Variants in LIPA observed in about 807,000 individuals in gnomAD.
LIPA encodes the protein lysosomal acid lipase/cholesteryl ester hydrolase.
In LIPA, 26 loss-of-function variants were observed where a neutral mutation model predicts 40.6. The ratio of observed to expected loss-of-function variants is 0.64; its 90% CI spans 0.47 to 0.89. The LOEUF is 0.89. Among genes scored for constraint, LIPA ranks in the 40% least tolerant of loss-of-function variants. LIPA has a pLI of 0.00. For synonymous variants in LIPA, 188 were observed against 168.4 expected, an observed-to-expected ratio of 1.12 and a Z score of -0.90; for missense variants, 455 against 479.6, an observed-to-expected ratio of 0.95 and a Z score of 0.48.
rs548770048 is a variant in LIPA at position 89,412,941 on chromosome 10, G to A, written c.-71-19C>T. 7.0e-4 allele frequency: 168 copies of A among 241,554 alleles called. 3 individuals carry two copies. Among genetic ancestry groups the A allele is most frequent in the Middle Eastern group, 5.9e-3 (4 of 678 alleles). The allele number at this position is 241,554 out of a possible 1,614,324, so 15.0% of individuals were successfully genotyped here. On this transcript the variant is annotated intron_variant, in intron 1 of 8. Transcript: ENST00000371837. ...AAACCTACTGGAAGGAACCAATTCC[G>A]GACACACCATCACCTACGTATTAAG...
intron 1 of LIPA, chr10:89,339,255 T>C (rs1477252639): frequency 6.2e-7 from 1 of 1,614,204 alleles, no homozygotes; most frequent in Admixed American, 1.7e-5. Flanking sequence ...AGCAGGCCAT[T>C]GAGCTGAGTC....
chr10:89,407,638 C>T (rs113556762), intron 2 of LIPA, among the ~76,000 whole-genome samples: 3,792 of 152,322 alleles, frequency 0.025, 77 homozygotes, highest in South Asian at 0.058. Context: ...TCCCTTCCCT[C>T]CCTCAGGGTA....
At chr10:89,319,839 T>A (rs574392804) in intron 1 of LIPA, among the ~76,000 whole-genome samples, 1 of 152,238 alleles carries the variant, frequency 6.6e-6, no homozygotes, top group African/African-American at 2.4e-5. Context: ...GCAAACTGAA[T>A]CCAGCAGCAC....
rs1005085986 is a variant in LIPA at position 89,236,182 on chromosome 10, T to G, written c.230-7784A>C. On this transcript the variant is annotated intron_variant, in intron 3 of 9. Coordinates refer to ENST00000336233, the MANE Select transcript of LIPA (RefSeq NM_000235.4). ...ATAAAAAGTTAACATTTTCAAAACT[T>G]AGACACACACTTACAGACCAAACAT... Among the ~76,000 whole-genome samples the G allele has an allele frequency of 2.6e-5, 4 of 152,204 alleles. No homozygotes were observed. The South Asian group carries it at 8.3e-4, about 31-fold the overall frequency.
intron 8 of LIPA, among the ~76,000 whole-genome samples, chr10:89,220,893 G>C (rs7097323): frequency 0.065 from 9,843 of 152,216 alleles, 449 homozygotes; most frequent in African/African-American, 0.14. Context: ...AAATAAAAAG[G>C]AATGAACTAC....
At chr10:89,226,800 T>G in intron 5 of LIPA, 95 bp downstream of exon 5, 1 of 758,608 alleles carries the variant, frequency 1.3e-6, no homozygotes, top group Non-Finnish European at 2.3e-6. Context: ...TAAATGGAAT[T>G]TGAACTAACA....
intron 2 of LIPA, among the ~76,000 whole-genome samples, chr10:89,411,774 G>C (rs1265429589): frequency 6.6e-6 from 1 of 152,130 alleles, no homozygotes; most frequent in Admixed American, 6.5e-5. Context: ...TAACCAGTCA[G>C]GGATAGCACG....
chr10:89,384,712 G>C, intron 2 of LIPA: 1 of 1,613,334 alleles, frequency 6.2e-7, no homozygotes, highest in Non-Finnish European at 8.5e-7. Context: ...TCTGAGGCTG[G>C]CTGCTGACCT....
At chr10:89,219,002 A>C (rs1842662904) in intron 8 of LIPA, among the ~76,000 whole-genome samples, 1 of 152,204 alleles carries the variant, frequency 6.6e-6, no homozygotes, top group Non-Finnish European at 1.5e-5. Flanking sequence ...ATTATACCAA[A>C]ATATTAATAG....
intron 1 of LIPA, among the ~76,000 whole-genome samples, chr10:89,266,696 A>G (rs754775797): frequency 6.6e-6 from 1 of 152,236 alleles, no homozygotes; most frequent in Non-Finnish European, 1.5e-5. Context: ...TGTTTTACTC[A>G]TGTCTGACTA....
At chr10:89,353,886 AGCCGAGATCAC>A (rs1378883027) in intron 2 of LIPA, among the ~76,000 whole-genome samples, 3 of 152,056 alleles carry the variant, frequency 2.0e-5, no homozygotes, top group Admixed American at 1.3e-4. Context: ...GCTTGCAGTG[AGCCGAGATCAC>A]GCCACTGCAC....
At chr10:89,241,114 T>C (rs1472374881) in intron 3 of LIPA, among the ~76,000 whole-genome samples, 3 of 151,976 alleles carry the variant, frequency 2.0e-5, no homozygotes, top group Non-Finnish European at 4.4e-5. Context: ...GATGTGAAAA[T>C]TAGGTTGAGA....
chr10:89,334,476 T>C (rs1488202031), intron 1 of LIPA, among the ~76,000 whole-genome samples: 1 of 75,342 alleles, frequency 1.3e-5, no homozygotes, highest in Admixed American at 1.4e-4. Context: ...TTTTCTTTTA[T>C]TCTTTTTTTT....
chr10:89,298,649 TC>T (rs1322647131), intron 1 of LIPA, among the ~76,000 whole-genome samples: 2 of 152,010 alleles, frequency 1.3e-5, no homozygotes, highest in African/African-American at 4.8e-5. Flanking sequence ...GGAATACAAT[TC>T]CCCAGCAACA....
At chr10:89,395,676 A>G (rs76213897) in intron 2 of LIPA, among the ~76,000 whole-genome samples, 6,192 of 152,300 alleles carry the variant, frequency 0.041, 415 homozygotes, top group African/African-American at 0.14. Flanking sequence ...TCAGACGCTT[A>G]GGCATTAGGC....
At chr10:89,312,049 C>CAA (rs1353096243) in intron 1 of LIPA, among the ~76,000 whole-genome samples, 2 of 152,132 alleles carry the variant, frequency 1.3e-5, no homozygotes, top group Non-Finnish European at 2.9e-5. Flanking sequence ...CTTCCCTTTA[C>CAA]GTCTTCTTCC....
intron 1 of LIPA, chr10:89,306,122 C>A: frequency 6.2e-7 from 1 of 1,614,082 alleles, no homozygotes; most frequent in Non-Finnish European, 8.5e-7. Flanking sequence ...AATGTGCAAC[C>A]TACTGGCCTA....
intron 1 of LIPA, chr10:89,302,101 C>G (rs770843745): frequency 1.2e-6 from 2 of 1,613,874 alleles, no homozygotes; most frequent in South Asian, 1.1e-5. Context: ...CCCTGCCGAA[C>G]AGCTGAGAAT....
At chr10:89,386,371 G>T (rs926139321) in intron 2 of LIPA, among the ~76,000 whole-genome samples, 4 of 152,162 alleles carry the variant, frequency 2.6e-5, no homozygotes, top group Admixed American at 2.6e-4. Context: ...ATGACACCTG[G>T]AAAGCACAGG....
Sources: allele counts gnomAD v4.1 joint callset (sites outside exome capture counted in the v4.1 genomes callset), GRCh38; gene constraint gnomAD v4.1.1; transcripts MANE v1.5; gene names NCBI Gene and HGNC (gene_info 2026-07-23, HGNC 2026-07-21).